OCM: variants seen among roughly 807,000 people sequenced by gnomAD.
OCM encodes oncomodulin.
OCM carries 18 observed loss-of-function variants against 14.1 expected under a neutral mutation model. The ratio of observed to expected loss-of-function variants is 1.28; its 90% confidence interval spans 0.88 to 1.89. OCM has a LOEUF of 1.89. Among genes scored for constraint, OCM ranks in the 40% most tolerant of loss-of-function variants. The pLI, the probability that OCM is intolerant of heterozygous loss-of-function variation, is 0.00. For synonymous variants in OCM, 48 were observed against 51.0 expected, an observed-to-expected ratio of 0.94 and a Z score of 0.25; for missense variants, 140 against 137.6, an observed-to-expected ratio of 1.02 and a Z score of -0.09.
At chr7:5,882,341 C>T in intron 1 of OCM, 152 bp from the exon 2 acceptor site, 1 of 858,920 alleles carries the variant, frequency 1.2e-6, no homozygotes, top group Non-Finnish European at 1.9e-6. Flanking sequence ...GCCATCAAGT[C>T]TTGGCTGTCC....
At chr7:5,876,966 C>T (rs144114373), upstream of OCM, among the ~76,000 whole-genome samples, 1 of 152,218 alleles carries the variant, frequency 6.6e-6, no homozygotes, top group African/African-American at 2.4e-5. Context: ...CCACCATGCT[C>T]GGCTAATTTT....
At chr7:5,860,577 AT>A in the OCM span, among the ~76,000 whole-genome samples, 2 of 79,694 alleles carry the variant, frequency 2.5e-5, no homozygotes, top group Non-Finnish European at 4.8e-5. Flanking sequence ...GTGTATATAT[AT>A]TACGTATATA....
the OCM span, among the ~76,000 whole-genome samples, chr7:5,861,356 G>C: frequency 1.3e-5 from 2 of 151,916 alleles, no homozygotes; most frequent in Non-Finnish European, 2.9e-5. Flanking sequence ...AGGAGGCGGA[G>C]GTTGAAGTGA....
chr7:5,860,061 C>G, the OCM span, among the ~76,000 whole-genome samples: 1 of 151,722 alleles, frequency 6.6e-6, no homozygotes, highest in East Asian at 1.9e-4. Context: ...AAGGAGACCC[C>G]CCCCACAAAG....
the OCM span, among the ~76,000 whole-genome samples, chr7:5,871,107 G>T: frequency 6.6e-6 from 1 of 152,020 alleles, no homozygotes; most frequent in Non-Finnish European, 1.5e-5. Flanking sequence ...AGCAGTTTGG[G>T]AGGCCAAAGC....
upstream of OCM, among the ~76,000 whole-genome samples, chr7:5,877,323 C>G (rs1781114408): frequency 6.6e-6 from 1 of 150,388 alleles, no homozygotes; most frequent in Admixed American, 6.6e-5. Context: ...AAAAAATTAG[C>G]CAGGTGTGGT....
the OCM span, among the ~76,000 whole-genome samples, chr7:5,860,377 T>C: frequency 6.8e-6 from 1 of 148,054 alleles, no homozygotes; most frequent in African/African-American, 2.5e-5. Context: ...TATATATATA[T>C]ATATCATTAG....
chr7:5,876,639 C>A (rs1326606076), upstream of OCM, among the ~76,000 whole-genome samples: 1 of 152,116 alleles, frequency 6.6e-6, no homozygotes, highest in Non-Finnish European at 1.5e-5. Context: ...GAGGTTTGGT[C>A]ATTTAAGAGA....
chr7:5,875,025 AATCTATATCTAT>A (rs925991252), upstream of OCM, among the ~76,000 whole-genome samples: 1 of 150,628 alleles, frequency 6.6e-6, no homozygotes, highest in African/African-American at 2.4e-5. Flanking sequence ...TCTCTGTGTG[AATCTATATCTAT>A]ATCTATATAT....
At chr7:5,879,478 C>T (rs1229271526), upstream of OCM, among the ~76,000 whole-genome samples, 1 of 152,112 alleles carries the variant, frequency 6.6e-6, no homozygotes, top group Non-Finnish European at 1.5e-5. Flanking sequence ...GTCAGCCTTA[C>T]ACACCCATAG....
chr7:5,860,721 C>CGT, the OCM span, among the ~76,000 whole-genome samples: 5 of 134,336 alleles, frequency 3.7e-5, 1 homozygote, highest in South Asian at 9.3e-4. Context: ...TGTATATATA[C>CGT]GTGTATATAT....
the OCM span, among the ~76,000 whole-genome samples, chr7:5,861,551 G>A: frequency 7.9e-5 from 12 of 152,130 alleles, no homozygotes; most frequent in East Asian, 3.9e-4. Flanking sequence ...GTTGAAGAGC[G>A]GAAGGAGAGC....
chr7:5,873,450 C>G, the OCM span, among the ~76,000 whole-genome samples: 2,331 of 152,080 alleles, frequency 0.015, 27 homozygotes, highest in Non-Finnish European at 0.025. Context: ...TGTAGTCCCA[C>G]CTACTCAGGA....
the OCM span, among the ~76,000 whole-genome samples, chr7:5,871,419 C>G: frequency 1.3e-5 from 2 of 151,906 alleles, no homozygotes; most frequent in African/African-American, 4.8e-5. Flanking sequence ...GTCTTAAACT[C>G]CTGGCTTCAA....
intron 3 of OCM, 76 bp from the exon 4 acceptor site, chr7:5,885,988 A>G (rs1477170213): frequency 3.7e-6 from 6 of 1,603,158 alleles, no homozygotes; most frequent in Non-Finnish European, 4.3e-6. Context: ...CCTCTTTGGA[A>G]TTCTCATTGG....
the OCM span, among the ~76,000 whole-genome samples, chr7:5,872,867 T>C: frequency 6.6e-6 from 1 of 151,556 alleles, no homozygotes; most frequent in Non-Finnish European, 1.5e-5. Context: ...CCAAGAATGA[T>C]CAATAAATAC....
At chr7:5,872,739 G>A in the OCM span, among the ~76,000 whole-genome samples, 4 of 152,118 alleles carry the variant, frequency 2.6e-5, no homozygotes, top group Admixed American at 6.6e-5. Flanking sequence ...AAACACTGCC[G>A]AAGGCCGCAG....
At chr7:5,871,341 T>C in the OCM span, among the ~76,000 whole-genome samples, 1 of 143,462 alleles carries the variant, frequency 7.0e-6, no homozygotes, top group African/African-American at 2.7e-5. Flanking sequence ...GGTGACAGAG[T>C]GAGTCCTTGT....
the OCM span, among the ~76,000 whole-genome samples, chr7:5,862,653 A>G: frequency 2.6e-5 from 4 of 152,242 alleles, no homozygotes; most frequent in African/African-American, 9.6e-5. Flanking sequence ...AGATGAATGC[A>G]GCATAAACTC....
Sources: allele counts gnomAD v4.1 joint callset (sites outside exome capture counted in the v4.1 genomes callset), GRCh38; gene constraint gnomAD v4.1.1; transcripts MANE v1.5; gene names NCBI Gene and HGNC (gene_info 2026-07-23, HGNC 2026-07-21).